CSF2RA: variants seen among roughly 807,000 people sequenced by gnomAD.
CSF2RA encodes the protein colony stimulating factor 2 receptor subunit alpha.
CSF2RA carries 42 observed loss-of-function variants against 51.6 expected under a neutral mutation model. That is an observed-to-expected ratio of 0.81 (90% CI 0.64 to 1.05). The LOEUF is 1.05. Among genes scored for constraint, CSF2RA ranks in the 50% least tolerant of loss-of-function variants. CSF2RA has a pLI of 0.00. For missense variants in CSF2RA, 530 were observed against 501.1 expected, an observed-to-expected ratio of 1.06 and a Z score of -0.55; for synonymous variants, 222 against 193.0, an observed-to-expected ratio of 1.15 and a Z score of -1.24.
At chrX:1,269,005 C>A in intron 1 of CSF2RA, 126 bp downstream of exon 1, 1 of 395,040 alleles carries the variant, frequency 2.5e-6, no homozygotes. Flanking sequence ...AACGTTGGCT[C>A]GAGCCGAAGT....
At chrX:1,313,527 T>C (rs1399030996), downstream of CSF2RA, among the ~76,000 whole-genome samples, 2 of 140,796 alleles carry the variant, frequency 1.4e-5, no homozygotes. Flanking sequence ...CTGGCCAACA[T>C]GGCAAAATCT....
chrX:1,316,303 T>TAGAC, the CSF2RA span, among the ~76,000 whole-genome samples: 146 of 138,522 alleles, frequency 1.1e-3, no homozygotes, highest in African/African-American at 1.3e-3. Context: ...GATAGATAGA[T>TAGAC]AGACAGACAG....
the CSF2RA span, among the ~76,000 whole-genome samples, chrX:1,323,564 G>T: frequency 6.6e-6 from 1 of 152,008 alleles, no homozygotes; most frequent in Admixed American, 6.6e-5. Context: ...TCCATGGACC[G>T]CACCTCGAGA....
chrX:1,273,250 T>C (rs1374248205), intron 1 of CSF2RA, among the ~76,000 whole-genome samples: 1 of 147,818 alleles, frequency 6.8e-6, no homozygotes, highest in African/African-American at 2.4e-5. Context: ...AACCTGACTC[T>C]GGCAAACGTT....
intron 2 of CSF2RA, 109 bp downstream of exon 2, chrX:1,274,927 A>G: frequency 2.3e-6 from 1 of 441,946 alleles, no homozygotes; most frequent in East Asian, 7.0e-5. Flanking sequence ...CCAGGATAGA[A>G]GTGAGAACTC....
chrX:1,301,128 G>T (rs1486315460), intron 10 of CSF2RA, among the ~76,000 whole-genome samples: 3 of 150,976 alleles, frequency 2.0e-5, no homozygotes, highest in Non-Finnish European at 4.4e-5. Flanking sequence ...ACTCCAGCCT[G>T]GGTGACAGCG....
At chrX:1,272,020 C>A (rs1197672031) in intron 1 of CSF2RA, among the ~76,000 whole-genome samples, 1 of 150,198 alleles carries the variant, frequency 6.7e-6, no homozygotes, top group Non-Finnish European at 1.5e-5. Context: ...CTGGCATGAT[C>A]TCGGCTCACT....
chrX:1,275,713 C>G (rs1237768963), intron 2 of CSF2RA, among the ~76,000 whole-genome samples: 14 of 151,568 alleles, frequency 9.2e-5, no homozygotes, highest in African/African-American at 2.9e-4. Context: ...CGCCCACCAC[C>G]ATGCCCAGCT....
At chrX:1,311,166 T>C (rs1436987773), downstream of CSF2RA, among the ~76,000 whole-genome samples, 1 of 151,188 alleles carries the variant, frequency 6.6e-6, no homozygotes, top group Non-Finnish European at 1.5e-5. Context: ...GCAGAATTGC[T>C]TGAACCCGGG....
At chrX:1,278,446 G>A (rs2089482611) in intron 2 of CSF2RA, among the ~76,000 whole-genome samples, 2 of 148,776 alleles carry the variant, frequency 1.3e-5, no homozygotes, top group Admixed American at 1.4e-4. Context: ...CAGCACTTTG[G>A]GAGCCCGAGG....
intron 10 of CSF2RA, among the ~76,000 whole-genome samples, chrX:1,302,637 T>C (rs2083109381): frequency 6.6e-6 from 1 of 151,830 alleles, no homozygotes; most frequent in South Asian, 2.1e-4. Context: ...CCCGAGTAGC[T>C]GGGATTACAT....
At position 1,294,355 on chromosome X, in the gene CSF2RA, C is replaced by G; in HGVS notation, c.674C>G (p.Thr225Ser). 1 of 1,613,818 alleles carries G rather than the reference C, an allele frequency of 6.2e-7. No homozygotes were observed. Among genetic ancestry groups the G allele is most frequent in the Non-Finnish European group, 8.5e-7 (1 of 1,179,860 alleles). The change falls in exon 8 of 13, where the codon ACC (threonine) becomes AGC (serine). Residue 225 changes from threonine to serine, a missense_variant. By Grantham distance (58) the Thr-to-Ser change is moderately conservative. Coordinates refer to ENST00000381529, the MANE Select transcript of CSF2RA (RefSeq NM_172245.4). ...CGATTCAACCCTCCCAGCAATGTCA[C>G]CGTACGTTGCAACACGACGCACTGC... is the stretch of plus-strand genomic sequence containing the variant. Reference protein sequence around the residue: ...IERFNPPSNVTVRCNTTHCLV... With the variant: ...IERFNPPSNVSVRCNTTHCLV...
At chrX:1,317,592 G>C in the CSF2RA span, among the ~76,000 whole-genome samples, 2 of 148,756 alleles carry the variant, frequency 1.3e-5, no homozygotes, top group African/African-American at 5.0e-5. Context: ...TTTTGAGACG[G>C]AGTCTTGCTC....
At chrX:1,317,245 G>GTTTT in the CSF2RA span, among the ~76,000 whole-genome samples, 1 of 28,824 alleles carries the variant, frequency 3.5e-5, no homozygotes, top group African/African-American at 1.5e-4. Context: ...ACCACGCTCA[G>GTTTT]CTTTTTTTTT....
chrX:1,318,789 C>T, the CSF2RA span, among the ~76,000 whole-genome samples: 2 of 149,176 alleles, frequency 1.3e-5, no homozygotes, highest in East Asian at 4.4e-4. Context: ...TGGTGGCGGG[C>T]ACCTGTAATC....
At chrX:1,322,249 GTGC>G in the CSF2RA span, among the ~76,000 whole-genome samples, 1 of 149,520 alleles carries the variant, frequency 6.7e-6, no homozygotes, top group Non-Finnish European at 1.5e-5. Context: ...GGGACGACAG[GTGC>G]CCGCCACGTC....
chrX:1,301,743 C>A (rs1282401619), intron 10 of CSF2RA, among the ~76,000 whole-genome samples: 25 of 150,666 alleles, frequency 1.7e-4, no homozygotes, highest in Non-Finnish European at 3.4e-4. Flanking sequence ...ACTACAGGTG[C>A]CCATCACCAC....
rs1283320263 is a variant in CSF2RA, at chrX:1,309,764, C to G, written c.*285C>G. ...TTACCCAGGCACGGCGGCGGACGCC[C>G]ATCATCCCAGCTACTTGGGAGGCTG... is the stretch of plus-strand genomic sequence containing the variant. On this transcript the variant is annotated 3_prime_UTR_variant, in exon 13 of 13. Coordinates refer to ENST00000381529, the MANE Select transcript of CSF2RA (RefSeq NM_172245.4). The G allele has an allele frequency of 9.1e-6, 6 of 659,776 alleles. No individual in the cohort carries two copies. The South Asian group carries it at 1.1e-4, about 12-fold the overall frequency. 40.9% of individuals were successfully genotyped at this position (659,776 alleles called of 1,614,324 possible). A position where few individuals can be genotyped will look rare whatever the true frequency, so the allele number is the denominator to read the frequency against.
the CSF2RA span, among the ~76,000 whole-genome samples, chrX:1,317,405 C>T: frequency 0.011 from 1,727 of 150,666 alleles, 35 homozygotes; most frequent in African/African-American, 0.041. Context: ...GCATGCACCA[C>T]CACGCCCGGC....
Sources: gnomAD v4.1 joint callset for allele counts (sites outside exome capture counted in the v4.1 genomes callset) on GRCh38, gnomAD v4.1.1 for gene constraint, MANE v1.5 for transcripts, NCBI Gene and HGNC (gene_info 2026-07-23, HGNC 2026-07-21) for gene names.